TENM4: variants seen among roughly 807,000 people sequenced by gnomAD.
TENM4 encodes teneurin-4.
A neutral mutation model predicts 243.3 loss-of-function variants in TENM4; 82 were observed. The observed-to-expected ratio is 0.34, with a 90% CI of 0.28 to 0.40. The LOEUF is 0.40. TENM4 is among the 10% of genes least tolerant of loss of function. The pLI, the probability that TENM4 is intolerant of heterozygous loss-of-function variation, is 1.00. For missense variants in TENM4, 3,138 were observed against 3,673.3 expected, an observed-to-expected ratio of 0.85 and a Z score of 3.77; for synonymous variants, 1,412 against 1,456.3, an observed-to-expected ratio of 0.97 and a Z score of 0.69.
intron 3 of TENM4, among the ~76,000 whole-genome samples, chr11:79,193,683 G>A (rs1863564343): frequency 6.6e-6 from 1 of 152,138 alleles, no homozygotes; most frequent in Non-Finnish European, 1.5e-5. Flanking sequence ...CACAGTGCCA[G>A]GGACACGGTG....
chr11:79,112,095 G>A (rs1289106540), intron 4 of TENM4, among the ~76,000 whole-genome samples: 1 of 151,750 alleles, frequency 6.6e-6, no homozygotes, highest in Non-Finnish European at 1.5e-5. Context: ...TGCAGAGGAA[G>A]TGGTCTTCTC....
At chr11:79,089,183 G>T (rs1239133836) in intron 4 of TENM4, among the ~76,000 whole-genome samples, 2 of 152,208 alleles carry the variant, frequency 1.3e-5, no homozygotes, top group African/African-American at 4.8e-5. Flanking sequence ...CAAAGGGAGG[G>T]TTTTAATTGG....
chr11:78,898,704 A>G (rs1378055087), intron 7 of TENM4, among the ~76,000 whole-genome samples: 1 of 152,182 alleles, frequency 6.6e-6, no homozygotes, highest in Non-Finnish European at 1.5e-5. Context: ...CACCTGTGTT[A>G]ATAATTATCA....
At chr11:78,745,204 C>T (rs1001550692) in intron 19 of TENM4, among the ~76,000 whole-genome samples, 1 of 151,478 alleles carries the variant, frequency 6.6e-6, no homozygotes, top group African/African-American at 2.4e-5. Flanking sequence ...GGTCCACTGT[C>T]CCTCTTTCTT....
intron 1 of TENM4, among the ~76,000 whole-genome samples, chr11:79,317,147 C>G (rs1590874767): frequency 6.6e-6 from 1 of 152,196 alleles, no homozygotes. Flanking sequence ...TCAATATTCC[C>G]ACTTTGGGAA....
At chr11:78,720,897 A>G (rs1308029862) in intron 24 of TENM4, among the ~76,000 whole-genome samples, 1 of 152,260 alleles carries the variant, frequency 6.6e-6, no homozygotes, top group African/African-American at 2.4e-5. Context: ...GGCCTAGGAA[A>G]AAAAGACTGG....
intron 27 of TENM4, among the ~76,000 whole-genome samples, chr11:78,707,314 C>A (rs1859281636): frequency 6.6e-6 from 1 of 152,224 alleles, no homozygotes; most frequent in Non-Finnish European, 1.5e-5. Context: ...GCCAAAGGAT[C>A]CAGCAACAAA....
intron 1 of TENM4, among the ~76,000 whole-genome samples, chr11:79,342,417 G>T (rs909810459): frequency 6.6e-6 from 1 of 152,206 alleles, no homozygotes; most frequent in African/African-American, 2.4e-5. Context: ...TTGTGGCTAA[G>T]ACCACAGAGC....
chr11:79,425,308 C>T (rs1859025928), intron 1 of TENM4, among the ~76,000 whole-genome samples: 1 of 152,294 alleles, frequency 6.6e-6, no homozygotes, highest in South Asian at 2.1e-4. Context: ...ATAGACTTGA[C>T]AGCACTGCTT....
chr11:79,175,453 A>G (rs777346327), intron 3 of TENM4, among the ~76,000 whole-genome samples: 1 of 152,246 alleles, frequency 6.6e-6, no homozygotes, highest in Non-Finnish European at 1.5e-5. Context: ...AATGTCTAAC[A>G]GCTAGAGAAA....
At chr11:78,745,233 T>C (rs565393628) in intron 19 of TENM4, among the ~76,000 whole-genome samples, 16 of 148,436 alleles carry the variant, frequency 1.1e-4, no homozygotes, top group East Asian at 7.8e-4. Context: ...TTTTCTTTTT[T>C]TTTTTTTTTT....
intron 12 of TENM4, among the ~76,000 whole-genome samples, chr11:78,816,633 T>G (rs1461755314): frequency 1.3e-5 from 2 of 152,202 alleles, no homozygotes; most frequent in Non-Finnish European, 2.9e-5. Context: ...GGAAGGGCAG[T>G]GACTTGCCCG....
chr11:78,948,144 A>G (rs1857041351), intron 6 of TENM4, among the ~76,000 whole-genome samples: 1 of 152,202 alleles, frequency 6.6e-6, no homozygotes, highest in South Asian at 2.1e-4. Flanking sequence ...TATACTCTTC[A>G]TCTAAATCTG....
chr11:79,252,349 T>C (rs1044085655), intron 2 of TENM4, among the ~76,000 whole-genome samples: 2 of 152,172 alleles, frequency 1.3e-5, no homozygotes. Flanking sequence ...ATTCTCCTGC[T>C]TCAGCCTTCC....
chr11:79,372,711 T>C (rs1313340437), intron 1 of TENM4, among the ~76,000 whole-genome samples: 1 of 152,150 alleles, frequency 6.6e-6, no homozygotes, highest in Non-Finnish European at 1.5e-5. Flanking sequence ...GGGAATCTTG[T>C]TTGGAAGGAT....
chr11:79,344,382 C>T (rs564519621), intron 1 of TENM4, among the ~76,000 whole-genome samples: 2 of 152,112 alleles, frequency 1.3e-5, no homozygotes, highest in Non-Finnish European at 2.9e-5. Flanking sequence ...CTGACCTGGG[C>T]ATGCACTCGC....
intron 4 of TENM4, among the ~76,000 whole-genome samples, chr11:79,100,985 C>T (rs1468509933): frequency 3.9e-5 from 6 of 152,038 alleles, no homozygotes; most frequent in Non-Finnish European, 8.8e-5. Context: ...GGCGTGTGGG[C>T]TGGACTGGGG....
intron 6 of TENM4, among the ~76,000 whole-genome samples, chr11:79,018,647 A>AG (rs1176457920): frequency 6.6e-6 from 1 of 152,050 alleles, no homozygotes; most frequent in African/African-American, 2.4e-5. Flanking sequence ...TACTCAGAAG[A>AG]GGTTTACTTA....
chr11:79,355,418 A>G (rs1187182775), intron 1 of TENM4, among the ~76,000 whole-genome samples: 1 of 152,164 alleles, frequency 6.6e-6, no homozygotes, highest in Non-Finnish European at 1.5e-5. Flanking sequence ...CTGTAATCCC[A>G]GCTACTCGGG....
Sources: gnomAD v4.1 joint callset for allele counts (sites outside exome capture counted in the v4.1 genomes callset) on GRCh38, gnomAD v4.1.1 for gene constraint, MANE v1.5 for transcripts, NCBI Gene and HGNC (gene_info 2026-07-23, HGNC 2026-07-21) for gene names.